The following TAF13 variants were observed in gnomAD, a reference collection of about 807,000 sequenced individuals.
TAF13 encodes TATA-box binding protein associated factor 13, also known as transcription initiation factor TFIID subunit 13.
In TAF13, 9 loss-of-function variants were observed where a neutral mutation model predicts 18.7. The ratio of observed to expected loss-of-function variants is 0.48; its 90% confidence interval spans 0.29 to 0.84. The LOEUF is 0.84. Ranked by LOEUF, TAF13 falls within the 40% of genes least tolerant of loss-of-function variation. The pLI is 0.08. For missense variants in TAF13, 105 were observed against 146.5 expected, an observed-to-expected ratio of 0.72 and a Z score of 1.46; for synonymous variants, 49 against 44.1, an observed-to-expected ratio of 1.11 and a Z score of -0.44.
Position 109,064,510 on chromosome 1 carries a change from A to C in TAF13, c.*13T>G, listed in dbSNP as rs765786346. On this transcript the variant is annotated 3_prime_UTR_variant, in exon 4 of 4. Coordinates refer to ENST00000338366, the MANE Select transcript of TAF13 (RefSeq NM_005645.4). Reference sequence around the variant, plus strand: ...TTTCCCCAGATGGTAATTTTCGGAAACTACAAAAAGTGTCAAGATCCATAA... The same window carrying C: ...TTTCCCCAGATGGTAATTTTCGGAACCTACAAAAAGTGTCAAGATCCATAA... 1.7e-5 allele frequency: 24 copies of C among 1,421,370 alleles called. No individual in the cohort carries two copies. The South Asian group carries it at 3.8e-4, about 22-fold the overall frequency. The allele number at this position is 1,421,370 out of a possible 1,614,324, so 88.0% of individuals were successfully genotyped here. A position where few individuals can be genotyped will look rare whatever the true frequency, so the allele number is the denominator to read the frequency against.
chr1:109,072,051 CAT>C (rs1216801737), intron 2 of TAF13, among the ~76,000 whole-genome samples: 17 of 4,712 alleles, frequency 3.6e-3, no homozygotes, highest in African/African-American at 0.012. Flanking sequence ...TATACACACA[CAT>C]ATATATATAT....
intron 2 of TAF13, among the ~76,000 whole-genome samples, chr1:109,071,990 AT>A (rs1664070327): frequency 5.0e-4 from 1 of 1,992 alleles, no homozygotes; most frequent in Non-Finnish European, 1.5e-3. Flanking sequence ...ACATATATAT[AT>A]ATATATATAT....
At chr1:109,065,858 T>C (rs973661128) in intron 3 of TAF13, among the ~76,000 whole-genome samples, 26 of 149,574 alleles carry the variant, frequency 1.7e-4, no homozygotes, top group African/African-American at 5.7e-4. Flanking sequence ...GAGACGGAGG[T>C]TGCAGTGAGC....
intron 2 of TAF13, among the ~76,000 whole-genome samples, chr1:109,073,905 C>G (rs566576883): frequency 1.3e-5 from 2 of 151,992 alleles, no homozygotes; most frequent in South Asian, 4.2e-4. Context: ...GGCCGCTACT[C>G]CGTCTGGGAG....
intron 1 of TAF13, 108 bp downstream of exon 1, chr1:109,075,813 G>C: frequency 1.4e-6 from 2 of 1,452,924 alleles, no homozygotes; most frequent in South Asian, 2.3e-5. Context: ...CCCGAACTCT[G>C]TCCGCTGAAT....
At chr1:109,074,365 T>C (rs1664142322) in intron 2 of TAF13, among the ~76,000 whole-genome samples, 1 of 152,130 alleles carries the variant, frequency 6.6e-6, no homozygotes, top group African/African-American at 2.4e-5. Flanking sequence ...GTTAAACAGA[T>C]GCTTGAAGGC....
At chr1:109,074,573 TAAA>T (rs1664147505) in intron 2 of TAF13, among the ~76,000 whole-genome samples, 1 of 151,628 alleles carries the variant, frequency 6.6e-6, no homozygotes, top group African/African-American at 2.4e-5. Context: ...GAATGATCAA[TAAA>T]TACTAAAAAA....
At chr1:109,072,779 CCTTT>C (rs1664098303) in intron 2 of TAF13, among the ~76,000 whole-genome samples, 2 of 82,692 alleles carry the variant, frequency 2.4e-5, no homozygotes, top group South Asian at 1.0e-3. Flanking sequence ...CGATTCACCA[CCTTT>C]TTTTTTTTTT....
chr1:109,072,779 CCT>C (rs1664098208), intron 2 of TAF13, among the ~76,000 whole-genome samples: 1 of 82,532 alleles, frequency 1.2e-5, no homozygotes, highest in Non-Finnish European at 2.3e-5. Context: ...CGATTCACCA[CCT>C]TTTTTTTTTT....
chr1:109,074,904 T>A, intron 2 of TAF13, 83 bp downstream of exon 2: 2 of 1,037,940 alleles, frequency 1.9e-6, no homozygotes, highest in Non-Finnish European at 2.9e-6. Context: ...CAGGGAAACA[T>A]TCAAAGCAAT....
At chr1:109,070,762 G>C (rs1165829709) in intron 2 of TAF13, among the ~76,000 whole-genome samples, 2 of 152,090 alleles carry the variant, frequency 1.3e-5, no homozygotes, top group Non-Finnish European at 2.9e-5. Flanking sequence ...TGAATATTCA[G>C]GTAAGATAAG....
chr1:109,071,993 T>TATATATATATATATATACACACAC (rs1664070671), intron 2 of TAF13, among the ~76,000 whole-genome samples: 3 of 2,772 alleles, frequency 1.1e-3, no homozygotes, highest in African/African-American at 2.0e-3. Context: ...TATATATATA[T>TATATATATATATATATACACACAC]ATATATATAT....
At position 109,075,956 on chromosome 1, in the gene TAF13, C is replaced by T. The variant is rs369554519; in HGVS notation, c.-9G>A. On this transcript the variant is annotated 5_prime_UTR_variant, in exon 1 of 4. Coordinates refer to ENST00000338366, the MANE Select transcript of TAF13 (RefSeq NM_005645.4). ...TCTTCCTCATCTGCCATCCCACTAG[C>T]ACGCCAACTCACAGCGTCCTGCCGG... 4 of 1,614,098 alleles carry T rather than the reference C, an allele frequency of 2.5e-6. No individual in the cohort carries two copies. The highest frequency in any genetic ancestry group is 2.2e-5 in the South Asian group (2 of 91,094).
At chr1:109,075,900 T>C in intron 1 of TAF13, 21 bp downstream of exon 1, 1 of 1,614,192 alleles carries the variant, frequency 6.2e-7, no homozygotes. Flanking sequence ...AGACAGGTTT[T>C]GGACAGAGAC....
At chr1:109,071,182 TGTAATTCCAGCACTTTGGGAGGCC>T (rs1664043977) in intron 2 of TAF13, among the ~76,000 whole-genome samples, 1 of 152,098 alleles carries the variant, frequency 6.6e-6, no homozygotes, top group Non-Finnish European at 1.5e-5. Context: ...GGCTCACGCC[TGTAATTCCAGCACTTTGGGAGGCC>T]GAGTGGGGTG....
At chr1:109,068,189 G>A (rs1489550514) in intron 2 of TAF13, among the ~76,000 whole-genome samples, 3 of 152,160 alleles carry the variant, frequency 2.0e-5, no homozygotes, top group Non-Finnish European at 4.4e-5. Context: ...AGGGTGGAGT[G>A]CAATGGCACG....
Position 109,070,224 on chromosome 1 carries a change from T to TA in TAF13, c.107-3993dup, listed in dbSNP as rs547554782. 5.1e-4 allele frequency among the ~76,000 whole-genome samples: 78 copies of TA among 152,296 alleles called. 1 individual carries two copies. In the East Asian group the frequency reaches 0.012, roughly 24 times the overall value. ...TCAAAACCTTGACGCTTTCTTTTTT[T>TA]ATTTTTATTTTTTGAGACGGAGTCT... is the stretch of plus-strand genomic sequence containing the variant. On this transcript the variant is annotated intron_variant, in intron 2 of 3. Coordinates refer to ENST00000338366, the MANE Select transcript of TAF13 (RefSeq NM_005645.4).
chr1:109,074,117 C>T (rs1295499389), intron 2 of TAF13, among the ~76,000 whole-genome samples: 2 of 152,260 alleles, frequency 1.3e-5, no homozygotes, highest in East Asian at 1.9e-4. Flanking sequence ...ATGACGATGG[C>T]GGTTTTGTCG....
At chr1:109,068,500 T>C (rs1663989539) in intron 2 of TAF13, among the ~76,000 whole-genome samples, 2 of 152,066 alleles carry the variant, frequency 1.3e-5, no homozygotes, top group Admixed American at 6.6e-5. Flanking sequence ...TGAACTGGTT[T>C]CTAACTATTT....
Sources: gnomAD v4.1 joint callset for allele counts (sites outside exome capture counted in the v4.1 genomes callset) on GRCh38, gnomAD v4.1.1 for gene constraint, MANE v1.5 for transcripts, NCBI Gene and HGNC (gene_info 2026-07-23, HGNC 2026-07-21) for gene names.